The following CCDC141 variants were observed in gnomAD, a reference collection of about 807,000 sequenced individuals.
CCDC141 encodes coiled-coil domain-containing protein 141.
A neutral mutation model predicts 181.0 loss-of-function variants in CCDC141; 168 were observed. The observed-to-expected ratio is 0.93, with a 90% CI of 0.82 to 1.05. The LOEUF (loss-of-function observed/expected upper bound fraction) is 1.05. CCDC141 is among the 50% of genes least tolerant of loss of function. CCDC141 has a pLI of 0.00. For missense variants in CCDC141, 1,902 were observed against 1,788.5 expected (o/e 1.06, Z -1.14); for synonymous variants, 666 against 642.3 (o/e 1.04, Z -0.56).
At chr2:179,000,370 G>A (rs1383908980) in intron 2 of CCDC141, among the ~76,000 whole-genome samples, 1 of 151,992 alleles carries the variant, frequency 6.6e-6, no homozygotes, top group Non-Finnish European at 1.5e-5. Context: ...CAACAGCCTA[G>A]TCTAAATAGT....
At chr2:179,000,952 A>C (rs1473743586) in intron 2 of CCDC141, among the ~76,000 whole-genome samples, 1 of 152,166 alleles carries the variant, frequency 6.6e-6, no homozygotes, top group Non-Finnish European at 1.5e-5. Context: ...TGTGTAATGC[A>C]GTGTGTAACA....
chr2:178,882,843 G>A (rs904493100), intron 11 of CCDC141, among the ~76,000 whole-genome samples: 1 of 152,074 alleles, frequency 6.6e-6, no homozygotes, highest in East Asian at 1.9e-4. Context: ...AGTTGGCAGG[G>A]TTAGTCAGGG....
At chr2:178,815,554 T>C in the CCDC141 span, among the ~76,000 whole-genome samples, 10 of 152,340 alleles carry the variant, frequency 6.6e-5, no homozygotes, top group Middle Eastern at 3.4e-3. Flanking sequence ...TTGGGGACAC[T>C]TGCAGTATAG....
chr2:178,825,131 C>A (rs1177892858), downstream of CCDC141, among the ~76,000 whole-genome samples: 1 of 151,982 alleles, frequency 6.6e-6, no homozygotes, highest in Non-Finnish European at 1.5e-5. Context: ...ACTAAAAGTG[C>A]CAAAATAGCC....
At chr2:178,842,728 C>T (rs1033582261) in intron 22 of CCDC141, among the ~76,000 whole-genome samples, 1 of 152,142 alleles carries the variant, frequency 6.6e-6, no homozygotes, top group Non-Finnish European at 1.5e-5. Flanking sequence ...GTAGGAAGAA[C>T]ACAAAGGAAG....
At chr2:179,028,071 C>T (rs2042903450) in intron 2 of CCDC141, among the ~76,000 whole-genome samples, 1 of 152,180 alleles carries the variant, frequency 6.6e-6, no homozygotes, top group Admixed American at 6.5e-5. Flanking sequence ...ATCAAGAAGT[C>T]ACCATCCCAG....
intron 4 of CCDC141, among the ~76,000 whole-genome samples, chr2:178,973,724 A>G (rs1193168151): frequency 6.6e-6 from 1 of 152,210 alleles, no homozygotes; most frequent in Non-Finnish European, 1.5e-5. Flanking sequence ...TGATTGCCTC[A>G]GTATTGAAAC....
downstream of CCDC141, among the ~76,000 whole-genome samples, chr2:178,828,440 T>C (rs115317547): frequency 0.012 from 1,783 of 152,304 alleles, 10 homozygotes; most frequent in Non-Finnish European, 0.017. Flanking sequence ...GGGGAAGCAT[T>C]CTTATTTAAT....
At chr2:178,945,853 G>GCACACACACACACACA (rs10649193) in intron 5 of CCDC141, among the ~76,000 whole-genome samples, 150 of 149,564 alleles carry the variant, frequency 1.0e-3, no homozygotes, top group East Asian at 9.3e-3. Context: ...ACACATGCGT[G>GCACACACACACACACA]CACACACACA....
At chr2:178,844,733 A>G (rs1423523178) in intron 22 of CCDC141, among the ~76,000 whole-genome samples, 6 of 152,154 alleles carry the variant, frequency 3.9e-5, no homozygotes, top group Non-Finnish European at 8.8e-5. Flanking sequence ...TTCTCCACAA[A>G]ATAACTGTTA....
At chr2:178,854,637 A>G (rs1306713375) in intron 19 of CCDC141, among the ~76,000 whole-genome samples, 2 of 152,236 alleles carry the variant, frequency 1.3e-5, no homozygotes. Context: ...GTTGGTTTTA[A>G]ATAAGTGCCA....
At position 179,027,642 on chromosome 2, in the gene CCDC141, C is replaced by T. The variant is rs796624657; in HGVS notation, c.225+19642G>A. The stretch of plus-strand genomic sequence containing the variant: ...CCTGGGCAACAGAGTGAGACTCTTA[C>T]TCTCAAAAAAAAAAAAAAAAAAAAA... On this transcript the variant is annotated intron_variant, in intron 2 of 23. Transcript: ENST00000443758. 1.7e-4 allele frequency among the ~76,000 whole-genome samples: 11 copies of T among 63,642 alleles called. 1 individual carries two copies. Among genetic ancestry groups the T allele is most frequent in the African/African-American group, 9.5e-4 (11 of 11,624 alleles). The allele number at this position is 63,642 out of a possible 152,430, so 41.8% of individuals were successfully genotyped here.
In CCDC141 at chr2:178,855,406, C is replaced by A; in HGVS notation, c.3001G>T (p.Val1001Leu). Residue 1001 changes from valine to leucine, a missense_variant, in exon 19 of 24, where the codon GTG becomes TTG. Transcript: ENST00000443758. Reference sequence around the variant, plus strand: ...TCCAAATTCTTCTTGTAATCTGTCACAACTTTGTCAAAGTCATCCACATGT... The same window carrying A: ...TCCAAATTCTTCTTGTAATCTGTCAAAACTTTGTCAAAGTCATCCACATGT... The part of the protein sequence containing the change: ...QKHVDDFDKV[V>L]TDYKKNLDLT... The A allele has an allele frequency of 6.2e-7, 1 of 1,612,136 alleles. No homozygotes were observed. The highest frequency in any genetic ancestry group is 1.1e-5 in the South Asian group (1 of 90,574).
At chr2:179,040,698 C>T (rs187732443) in intron 2 of CCDC141, among the ~76,000 whole-genome samples, 4 of 152,234 alleles carry the variant, frequency 2.6e-5, no homozygotes, top group East Asian at 1.9e-4. Flanking sequence ...TCTATGTCCC[C>T]GCAAAGGACA....
chr2:178,888,047 G>A (rs2154370871), intron 9 of CCDC141, among the ~76,000 whole-genome samples: 1 of 152,254 alleles, frequency 6.6e-6, no homozygotes, highest in South Asian at 2.1e-4. Flanking sequence ...GTGTTGCCTT[G>A]CACTGGTCTA....
intron 6 of CCDC141, among the ~76,000 whole-genome samples, chr2:178,922,749 A>C (rs1300324723): frequency 6.6e-6 from 1 of 152,242 alleles, no homozygotes; most frequent in Non-Finnish European, 1.5e-5. Flanking sequence ...ACATTAAAGA[A>C]AGACCTTTGG....
At chr2:178,951,915 C>T (rs540930279) in intron 5 of CCDC141, among the ~76,000 whole-genome samples, 15 of 152,272 alleles carry the variant, frequency 9.9e-5, no homozygotes, top group East Asian at 1.9e-4. Context: ...CCTTACCAAC[C>T]GACTTGGGGG....
At chr2:178,859,872 G>C (rs1016531939) in intron 17 of CCDC141, among the ~76,000 whole-genome samples, 3 of 152,240 alleles carry the variant, frequency 2.0e-5, no homozygotes, top group African/African-American at 7.2e-5. Context: ...CTGATGCCAA[G>C]TGAGGCTGGC....
chr2:178,981,184 T>C (rs965098359), intron 2 of CCDC141, among the ~76,000 whole-genome samples: 1 of 152,164 alleles, frequency 6.6e-6, no homozygotes, highest in African/African-American at 2.4e-5. Context: ...GTAATCATTA[T>C]ATCCAGCAGG....
Sources: gnomAD v4.1 joint callset for allele counts (sites outside exome capture counted in the v4.1 genomes callset) on GRCh38, gnomAD v4.1.1 for gene constraint, MANE v1.5 for transcripts, NCBI Gene and HGNC (gene_info 2026-07-23, HGNC 2026-07-21) for gene names.